GNA12: variants seen among roughly 807,000 people sequenced by gnomAD.
The protein encoded by GNA12 is G protein subunit alpha 12, also known as guanine nucleotide-binding protein subunit alpha-12.
In GNA12, 9 loss-of-function variants were observed where a neutral mutation model predicts 26.0. The ratio of observed to expected loss-of-function variants is 0.35; its 90% CI spans 0.21 to 0.60. The LOEUF is 0.60. Ranked by LOEUF, GNA12 falls within the 20% of genes least tolerant of loss-of-function variation. GNA12 has a pLI of 0.78. For synonymous variants in GNA12, 264 were observed against 219.6 expected (o/e 1.20, Z -1.79); for missense variants, 405 against 525.8 (o/e 0.77, Z 2.25).
rs952411530 is a variant in GNA12 at position 2,787,710 on chromosome 7, G to A, written c.525+7218C>T. On this transcript the variant is annotated intron_variant, in intron 2 of 3. Coordinates refer to ENST00000275364, the MANE Select transcript of GNA12 (RefSeq NM_007353.3). ...AGATTCTTGACACTGGCCAGGCATC[G>A]GGAAGGGGGAGAGGCCGGGGGTAAG... is the stretch of plus-strand genomic sequence containing the variant. Among the ~76,000 whole-genome samples, 7 of 152,240 alleles carry A rather than the reference G, an allele frequency of 4.6e-5. No homozygotes were observed. The East Asian group carries it at 5.8e-4, about 13-fold the overall frequency.
intron 2 of GNA12, among the ~76,000 whole-genome samples, chr7:2,791,224 T>G (rs751510789): frequency 3.9e-5 from 6 of 152,234 alleles, no homozygotes; most frequent in Non-Finnish European, 7.3e-5. Flanking sequence ...CTTACTTAAC[T>G]GTGTTTTGGA....
intron 1 of GNA12, among the ~76,000 whole-genome samples, chr7:2,826,571 G>C (rs1446138347): frequency 1.3e-5 from 2 of 152,092 alleles, no homozygotes; most frequent in East Asian, 3.8e-4. Flanking sequence ...GATAAACAAA[G>C]TGTGGTATAT....
intron 2 of GNA12, among the ~76,000 whole-genome samples, chr7:2,755,139 G>A (rs553041009): frequency 1.5e-4 from 23 of 152,206 alleles, no homozygotes; most frequent in African/African-American, 4.8e-4. Flanking sequence ...CTCTCCCTGC[G>A]CCAGCACCAC....
chr7:2,778,465 T>C (rs1205032809), intron 2 of GNA12, among the ~76,000 whole-genome samples: 1 of 152,180 alleles, frequency 6.6e-6, no homozygotes, highest in Non-Finnish European at 1.5e-5. Context: ...ATTTCTTCCA[T>C]GACACTCACA....
rs190854620 is a variant in GNA12 at position 2,808,190 on chromosome 7, A to G, written c.310-13047T>C. On this transcript the variant is annotated intron_variant, in intron 1 of 3. Coordinates refer to ENST00000275364, the MANE Select transcript of GNA12 (RefSeq NM_007353.3). ...ATATCTCTTTCGGGAATCTGTGAAC[A>G]TGTTTCCTTCTCACGCATACCCAAC... 4.9e-3 allele frequency among the ~76,000 whole-genome samples: 748 copies of G among 152,360 alleles called. 18 individuals are homozygous for G. The highest frequency in any genetic ancestry group is 0.043 in the Admixed American group (660 of 15,302).
intron 2 of GNA12, among the ~76,000 whole-genome samples, chr7:2,772,642 T>C (rs1791977814): frequency 6.6e-6 from 1 of 151,956 alleles, no homozygotes; most frequent in Admixed American, 6.5e-5. Context: ...CATCAATTGA[T>C]ACCCACCAGG....
chr7:2,781,483 ACTACT>A lies in GNA12; in HGVS notation c.525+13440_525+13444del, dbSNP rs544802222. Among the ~76,000 whole-genome samples the A allele has an allele frequency of 6.2e-5, 9 of 145,042 alleles. 1 individual carries two copies. The highest frequency in any genetic ancestry group is 4.1e-4 in the East Asian group (2 of 4,856). On this transcript the variant is annotated intron_variant, in intron 2 of 3. Coordinates refer to ENST00000275364, the MANE Select transcript of GNA12 (RefSeq NM_007353.3). ...ATTTCATTGTTCTTTATGTGGTTTG[ACTACT>A]CTACTTATCTAATTCTGCACCAACA...
At chr7:2,774,036 T>C (rs575289698) in intron 2 of GNA12, among the ~76,000 whole-genome samples, 3 of 152,222 alleles carry the variant, frequency 2.0e-5, no homozygotes, top group Admixed American at 6.5e-5. Flanking sequence ...AGGCCACAGA[T>C]GAAGCAGCAA....
chr7:2,792,453 C>A (rs1792544228), intron 2 of GNA12, among the ~76,000 whole-genome samples: 1 of 152,216 alleles, frequency 6.6e-6, no homozygotes, highest in African/African-American at 2.4e-5. Flanking sequence ...AGACAGAAGC[C>A]TGTCAAAGCT....
intron 1 of GNA12, among the ~76,000 whole-genome samples, chr7:2,824,208 C>A (rs987829460): frequency 1.3e-5 from 2 of 152,206 alleles, no homozygotes; most frequent in African/African-American, 4.8e-5. Context: ...TGGTCTCCCT[C>A]AGTGAGGGTG....
intron 2 of GNA12, among the ~76,000 whole-genome samples, chr7:2,774,830 C>T (rs1453637438): frequency 2.0e-5 from 3 of 152,100 alleles, no homozygotes; most frequent in East Asian, 1.9e-4. Context: ...CACATATTTA[C>T]GCAGCTATCT....
chr7:2,789,062 C>A (rs549060206), intron 2 of GNA12, among the ~76,000 whole-genome samples: 12 of 151,320 alleles, frequency 7.9e-5, no homozygotes, highest in African/African-American at 2.9e-4. Flanking sequence ...AAGTGATCCA[C>A]CTGCCTTGGC....
At chr7:2,828,824 G>T (rs888005585) in intron 1 of GNA12, among the ~76,000 whole-genome samples, 13 of 152,230 alleles carry the variant, frequency 8.5e-5, no homozygotes, top group Admixed American at 8.5e-4. Flanking sequence ...GGGAGGCCAA[G>T]GTGGGTGGGT....
chr7:2,790,440 A>G (rs1248917946), intron 2 of GNA12, among the ~76,000 whole-genome samples: 1 of 152,128 alleles, frequency 6.6e-6, no homozygotes, highest in East Asian at 1.9e-4. Flanking sequence ...TACCACATTT[A>G]TAACAATTAT....
intron 2 of GNA12, among the ~76,000 whole-genome samples, chr7:2,767,898 G>C (rs1407642873): frequency 6.6e-6 from 1 of 152,044 alleles, no homozygotes; most frequent in Non-Finnish European, 1.5e-5. Flanking sequence ...TCTGTCACCC[G>C]GGCTGGAGTG....
At position 2,781,408 on chromosome 7, in the gene GNA12, G is replaced by GTC. The variant is rs1198481384; in HGVS notation, c.525+13519_525+13520insGA. On this transcript the variant is annotated intron_variant, in intron 2 of 3. Coordinates refer to ENST00000275364, the MANE Select transcript of GNA12 (RefSeq NM_007353.3). ...TGGTCTCTAATCCATTTCAAAGTAA[G>GTC]TGTCTGTGTGTGTGTGTGTGTGTGT... is the stretch of plus-strand genomic sequence containing the variant. Among the ~76,000 whole-genome samples the GTC allele has an allele frequency of 3.6e-5, 4 of 110,506 alleles. No homozygotes were observed. In the East Asian group the frequency reaches 1.1e-3, roughly 29 times the overall value. 72.5% of individuals were successfully genotyped at this position (110,506 alleles called of 152,430 possible).
At chr7:2,736,848 A>G (rs1790206789) in intron 2 of GNA12, among the ~76,000 whole-genome samples, 1 of 152,014 alleles carries the variant, frequency 6.6e-6, no homozygotes. Context: ...CCCTTCACAG[A>G]CCCCTGCTGG....
At chr7:2,753,629 A>T (rs1417180288) in intron 2 of GNA12, among the ~76,000 whole-genome samples, 1 of 152,206 alleles carries the variant, frequency 6.6e-6, no homozygotes, top group Non-Finnish European at 1.5e-5. Context: ...TAGCTATTAC[A>T]CATAAAACTC....
At chr7:2,780,741 T>C (rs536569406) in intron 2 of GNA12, among the ~76,000 whole-genome samples, 2 of 152,298 alleles carry the variant, frequency 1.3e-5, no homozygotes, top group East Asian at 3.9e-4. Context: ...CTCTGCTCAT[T>C]TTTCCTGCAG....
Sources: allele counts gnomAD v4.1 joint callset (sites outside exome capture counted in the v4.1 genomes callset), GRCh38; gene constraint gnomAD v4.1.1; transcripts MANE v1.5; gene names NCBI Gene and HGNC (gene_info 2026-07-23, HGNC 2026-07-21).